The following SNRPN variants were observed in gnomAD, a reference collection of about 807,000 sequenced individuals.
The protein encoded by SNRPN is small nuclear ribonucleoprotein polypeptide N.
A neutral mutation model predicts 25.2 loss-of-function variants in SNRPN; 7 were observed. That is an observed-to-expected ratio of 0.28 (90% CI 0.16 to 0.52). SNRPN has a LOEUF of 0.52. SNRPN is among the 20% of genes least tolerant of loss of function. SNRPN has a pLI of 0.96. For missense variants in SNRPN, 196 were observed against 322.5 expected (o/e 0.61, Z 3.00); for synonymous variants, 124 against 110.6 (o/e 1.12, Z -0.76).
Position 24,934,602 on chromosome 15 carries a change from A to T in SNRPN, c.-391+14478A>T, listed in dbSNP as rs116565376. ...GAAATGGGGTTTCACTCTGTCATCC[A>T]GGCTATAAAGCAGTGGCGTCATCTC... On this transcript the variant is annotated intron_variant, in intron 3 of 11. Transcript: ENST00000400097. Among the ~76,000 whole-genome samples the T allele has an allele frequency of 8.3e-3, 1,265 of 152,320 alleles. 9 individuals are homozygous for T. The highest frequency in any genetic ancestry group is 0.029 in the African/African-American group (1,190 of 41,580).
intron 1 of SNRPN, among the ~76,000 whole-genome samples, chr15:24,867,978 C>T (rs1206579229): frequency 2.0e-5 from 3 of 151,768 alleles, no homozygotes; most frequent in Non-Finnish European, 4.4e-5. Context: ...TTAGTAGTTG[C>T]CATATGAAAT....
chr15:24,941,305 C>A (rs952507686), intron 3 of SNRPN, among the ~76,000 whole-genome samples: 3 of 152,202 alleles, frequency 2.0e-5, no homozygotes, highest in Non-Finnish European at 1.5e-5. Flanking sequence ...TACACACAGG[C>A]ACATACACAA....
chr15:24,888,948 C>T (rs1043851697), intron 2 of SNRPN, among the ~76,000 whole-genome samples: 4 of 151,944 alleles, frequency 2.6e-5, no homozygotes, highest in Non-Finnish European at 4.4e-5. Flanking sequence ...GACAGAGTCT[C>T]GCTCTGTCAC....
At chr15:24,846,697 G>C (rs2052230908) in intron 2 of SNRPN, among the ~76,000 whole-genome samples, 1 of 152,178 alleles carries the variant, frequency 6.6e-6, no homozygotes, top group Non-Finnish European at 1.5e-5. Flanking sequence ...CAACATTTTT[G>C]AGACATCACA....
Position 24,975,564 on chromosome 15 carries a change from G to T in SNRPN, c.155+55G>T. On this transcript the variant is annotated intron_variant, in intron 5 of 9. Transcript: ENST00000390687. ...GACACAGAGGCAGTGGGAAGGGAAG[G>T]CCAGAGCTGGAGTAAGGGATTTCCG... The T allele has an allele frequency of 2.0e-6, 3 of 1,468,260 alleles. No homozygotes were observed. In the South Asian group the frequency reaches 3.5e-5, roughly 17 times the overall value. 91.0% of individuals were successfully genotyped at this position (1,468,260 alleles called of 1,614,324 possible). A position where few individuals can be genotyped will look rare whatever the true frequency, so the allele number is the denominator to read the frequency against.
chr15:24,909,307 A>C, intron 2 of SNRPN: 2 of 1,603,542 alleles, frequency 1.2e-6, no homozygotes, highest in East Asian at 2.2e-5. Flanking sequence ...TGTGAGGGAT[A>C]GACAAGCCTC....
chr15:24,878,345 G>T (rs535988651), intron 1 of SNRPN, among the ~76,000 whole-genome samples: 2 of 152,274 alleles, frequency 1.3e-5, no homozygotes, highest in South Asian at 2.1e-4. Flanking sequence ...CTGAGCGGCC[G>T]ACAAACCCGC....
intron 2 of SNRPN, among the ~76,000 whole-genome samples, chr15:24,967,558 C>T (rs752201013): frequency 3.3e-5 from 5 of 151,680 alleles, no homozygotes; most frequent in African/African-American, 4.8e-5. Flanking sequence ...TGGAGAATGG[C>T]GTGAACCCAG....
intron 1 of SNRPN, among the ~76,000 whole-genome samples, chr15:24,857,294 A>G (rs904310): frequency 0.88 from 133,682 of 152,232 alleles, 59,451 homozygotes; most frequent in East Asian, 1. Flanking sequence ...GACATTGGCT[A>G]GAGTCTTTGA....
intron 3 of SNRPN, among the ~76,000 whole-genome samples, chr15:24,940,493 T>C (rs2061485274): frequency 6.6e-6 from 1 of 152,224 alleles, no homozygotes; most frequent in South Asian, 2.1e-4. Flanking sequence ...TTGGCACAAT[T>C]GTTGAAAATC....
chr15:24,840,573 C>A (rs1304818685), intron 2 of SNRPN, among the ~76,000 whole-genome samples: 1 of 152,174 alleles, frequency 6.6e-6, no homozygotes. Flanking sequence ...TGTAAACCTG[C>A]TGCTGCAAAG....
intron 2 of SNRPN, among the ~76,000 whole-genome samples, chr15:24,962,897 C>G (rs903887941): frequency 6.6e-6 from 1 of 151,920 alleles, no homozygotes; most frequent in Non-Finnish European, 1.5e-5. Flanking sequence ...TTTTTCTTAG[C>G]TACAATTGTT....
intron 1 of SNRPN, among the ~76,000 whole-genome samples, chr15:24,862,085 C>T (rs540843176): frequency 6.0e-5 from 9 of 150,726 alleles, no homozygotes; most frequent in Non-Finnish European, 1.2e-4. Flanking sequence ...CGGGTTGCAG[C>T]GCAAGTTCAT....
At chr15:24,913,855 C>T (rs1194000502) in intron 2 of SNRPN, among the ~76,000 whole-genome samples, 1 of 152,094 alleles carries the variant, frequency 6.6e-6, no homozygotes, top group African/African-American at 2.4e-5. Context: ...GCTTTGAATT[C>T]CAGCATATAT....
chr15:24,917,859 A>G (rs532992532), intron 2 of SNRPN, among the ~76,000 whole-genome samples: 4 of 152,352 alleles, frequency 2.6e-5, no homozygotes, highest in African/African-American at 9.6e-5. Context: ...AAAAGAGCCA[A>G]CTTCCCTATT....
At chr15:24,916,065 G>A (rs1214870049) in intron 2 of SNRPN, among the ~76,000 whole-genome samples, 1 of 141,164 alleles carries the variant, frequency 7.1e-6, no homozygotes, top group Non-Finnish European at 1.5e-5. Context: ...TCTGCCTCCC[G>A]GATTCAAGTG....
chr15:24,934,118 T>G (rs958688330), intron 3 of SNRPN, among the ~76,000 whole-genome samples: 2 of 151,998 alleles, frequency 1.3e-5, no homozygotes, highest in African/African-American at 4.8e-5. Flanking sequence ...GCCAACATGG[T>G]GAAACCCCGT....
intron 1 of SNRPN, among the ~76,000 whole-genome samples, chr15:24,857,953 T>C (rs2053572349): frequency 6.6e-6 from 1 of 152,020 alleles, no homozygotes; most frequent in Non-Finnish European, 1.5e-5. Context: ...GTGGAAGCTG[T>C]CCTCTTGCGC....
At chr15:24,951,200 G>T (rs1285720900), upstream of SNRPN, among the ~76,000 whole-genome samples, 1 of 151,932 alleles carries the variant, frequency 6.6e-6, no homozygotes, top group African/African-American at 2.4e-5. Flanking sequence ...GAGTAGAATT[G>T]TAGGTCATAT....
Sources: gnomAD v4.1 joint callset for allele counts (sites outside exome capture counted in the v4.1 genomes callset) on GRCh38, gnomAD v4.1.1 for gene constraint, MANE v1.5 for transcripts, NCBI Gene and HGNC (gene_info 2026-07-23, HGNC 2026-07-21) for gene names.